The following ZMYM6 variants were observed in gnomAD, a reference collection of about 807,000 sequenced individuals.
ZMYM6 encodes zinc finger MYM-type protein 6.
In ZMYM6, 90 loss-of-function variants were observed where a neutral mutation model predicts 134.0. The observed-to-expected ratio is 0.67, with a 90% CI of 0.57 to 0.80. ZMYM6 has a LOEUF of 0.80. Among genes scored for constraint, ZMYM6 ranks in the 30% least tolerant of loss-of-function variants. ZMYM6 has a pLI of 0.00. For synonymous variants in ZMYM6, 481 were observed against 524.1 expected (o/e 0.92, Z 1.12); for missense variants, 1,362 against 1,533.9 (o/e 0.89, Z 1.87).
At chr1:34,998,939 T>C (rs1026177041) in intron 14 of ZMYM6, among the ~76,000 whole-genome samples, 15 of 152,048 alleles carry the variant, frequency 9.9e-5, no homozygotes, top group African/African-American at 3.6e-4. Context: ...CTGGGCAACA[T>C]AGCGAGACCT....
In ZMYM6 at chr1:35,011,946, T is replaced by C. The variant is rs1398029404; in HGVS notation, c.1006A>G (p.Met336Val). The C allele has an allele frequency of 1.2e-6, 2 of 1,611,226 alleles. No homozygotes were observed. Among genetic ancestry groups the C allele is most frequent in the Non-Finnish European group, 1.7e-6 (2 of 1,178,320 alleles). Residue 336 changes from methionine to valine, a missense_variant, in exon 8 of 16, where the codon ATG (methionine) becomes GTG (valine). This residue lies in a region of ZMYM6 where 503 missense variants were observed against 520.8 expected (regional missense o/e 0.97). Transcript: ENST00000357182. The stretch of plus-strand genomic sequence containing the variant: ...AAGCTGTATATAGTTCCATTTGACA[T>C]GGCTAGGTGATACTGAGGGATTGCT... ...TSAIPQYHLAMSNGTIYSFCS... is the reference protein window; with the variant it reads ...TSAIPQYHLAVSNGTIYSFCS...
intron 14 of ZMYM6, among the ~76,000 whole-genome samples, chr1:35,000,022 T>A (rs1048435329): frequency 6.6e-6 from 1 of 152,062 alleles, no homozygotes; most frequent in East Asian, 1.9e-4. Context: ...TTGACCTACC[T>A]TCTAGGCTCA....
chr1:35,024,301 G>A (rs1641365796), intron 2 of ZMYM6, among the ~76,000 whole-genome samples: 1 of 152,154 alleles, frequency 6.6e-6, no homozygotes. Context: ...TTGTTTATTT[G>A]ATAGTCAAAT....
At position 35,030,467 on chromosome 1, in the gene ZMYM6, C is replaced by T. The variant is rs965896961; in HGVS notation, c.93+80G>A. On this transcript the variant is annotated intron_variant, in intron 2 of 15. Coordinates refer to ENST00000357182, the MANE Select transcript of ZMYM6 (RefSeq NM_007167.4). ...TATTTTAAACTTACAAACCAGAAGC[C>T]GTTTAACTAAAATTTTTCAGTTGAC... 5.1e-6 allele frequency: 7 copies of T among 1,361,506 alleles called. No homozygotes were observed. In the South Asian group the frequency reaches 6.4e-5, roughly 12 times the overall value. The allele number at this position is 1,361,506 out of a possible 1,614,324, so 84.3% of individuals were successfully genotyped here.
At chr1:35,002,970 T>A (rs1033442995) in intron 14 of ZMYM6, among the ~76,000 whole-genome samples, 2 of 151,848 alleles carry the variant, frequency 1.3e-5, no homozygotes, top group African/African-American at 2.4e-5. Context: ...GCTAGGAGTT[T>A]GAGACTAGCC....
rs1381866517 is a variant in ZMYM6 at position 35,013,374 on chromosome 1, T to C, written c.796-793A>G. Reference sequence around the variant, plus strand: ...AGTGATACATTATAAGGTCTCTCAATATGAAAAGAAATTGTAGGAAAATAT... The same window carrying C: ...AGTGATACATTATAAGGTCTCTCAACATGAAAAGAAATTGTAGGAAAATAT... On this transcript the variant is annotated intron_variant, in intron 6 of 15. Coordinates refer to ENST00000357182, the MANE Select transcript of ZMYM6 (RefSeq NM_007167.4). 4 of 982,848 alleles carry C rather than the reference T, an allele frequency of 4.1e-6. No homozygotes were observed. The East Asian group carries it at 4.5e-4, about 111-fold the overall frequency. 60.9% of individuals were successfully genotyped at this position (982,848 alleles called of 1,614,324 possible).
At chr1:35,030,184 C>T (rs934915709) in intron 2 of ZMYM6, 1 of 169,674 alleles carries the variant, frequency 5.9e-6, no homozygotes, top group Non-Finnish European at 1.2e-5. Flanking sequence ...AATCCCAGAA[C>T]TTTGGGAGGC....
chr1:35,010,334 T>TA, intron 10 of ZMYM6, 113 bp downstream of exon 10: 1 of 1,392,360 alleles, frequency 7.2e-7, no homozygotes, highest in South Asian at 1.4e-5. Flanking sequence ...AAAATACTTC[T>TA]AATTACACCT....
Position 35,002,838 on chromosome 1 carries a change from A to T in ZMYM6, c.1992+1130T>A, listed in dbSNP as rs535223431. Among the ~76,000 whole-genome samples, 5 of 152,296 alleles carry T rather than the reference A, an allele frequency of 3.3e-5. No individual in the cohort carries two copies. In the South Asian group the frequency reaches 1.0e-3, roughly 32 times the overall value. On this transcript the variant is annotated intron_variant, in intron 14 of 15. Coordinates refer to ENST00000357182, the MANE Select transcript of ZMYM6 (RefSeq NM_007167.4). ...CACTTAAATGGCATTATTCTACGAT[A>T]TAAAAAAAGAGTTTTAATTATATCA...
chr1:35,004,315 C>T lies in ZMYM6; in HGVS notation c.1955-310G>A, dbSNP rs1186675569. On this transcript the variant is annotated intron_variant, in intron 13 of 15. Transcript: ENST00000357182. The stretch of plus-strand genomic sequence containing the variant: ...TCTGAGCCTTCTATGGCTCAAGAGC[C>T]TGCCTGATTAAAAAGAAAACAAACA... Among the ~76,000 whole-genome samples the T allele has an allele frequency of 2.6e-5, 4 of 152,184 alleles. No individual in the cohort carries two copies. In the East Asian group the frequency reaches 7.7e-4, roughly 29 times the overall value.
chr1:35,014,395 G>C (rs1641144752), intron 6 of ZMYM6, among the ~76,000 whole-genome samples: 2 of 152,162 alleles, frequency 1.3e-5, no homozygotes, highest in African/African-American at 4.8e-5. Context: ...TTGAGCTCAG[G>C]AGTTCAACAC....
chr1:35,011,129 C>T, intron 8 of ZMYM6, 93 bp from the exon 9 acceptor site: 1 of 1,341,098 alleles, frequency 7.5e-7, no homozygotes. Context: ...ATCAAGTCTC[C>T]CACAAACATT....
At chr1:35,020,917 C>T (rs1292558704) in intron 2 of ZMYM6, among the ~76,000 whole-genome samples, 9 of 151,738 alleles carry the variant, frequency 5.9e-5, no homozygotes, top group Admixed American at 5.9e-4. Context: ...TCACAAGCAC[C>T]TCAAAAGTCA....
intron 6 of ZMYM6, 89 bp from the exon 7 acceptor site, chr1:35,012,670 C>T (rs1641107548): frequency 1.3e-6 from 2 of 1,524,910 alleles, no homozygotes; most frequent in Admixed American, 4.4e-5. Flanking sequence ...CTACCTACAA[C>T]CACGGTCCTT....
chr1:35,031,175 C>G (rs1040704817), intron 1 of ZMYM6: 2 of 152,520 alleles, frequency 1.3e-5, no homozygotes, highest in African/African-American at 4.8e-5. Context: ...CCTAAGGGCC[C>G]CATTTCTCGG....
Position 34,988,604 on chromosome 1 carries a change from CT to C in ZMYM6, c.2477del (p.Lys826SerfsTer4). The C allele has an allele frequency of 6.4e-7, 1 of 1,550,398 alleles. No individual in the cohort carries two copies. Among genetic ancestry groups the C allele is most frequent in the Non-Finnish European group, 8.7e-7 (1 of 1,146,730 alleles). ...SSLKKCLLVE[K>X]SLVKASYLIA... ...TTAAATAAGAAGCTTTCACAAGTGA[CT>C]TTTCAACTAGTAAACACTTTTTTAA... is the stretch of plus-strand genomic sequence containing the variant. On this transcript the variant is annotated frameshift_variant, in exon 16 of 16. Coordinates refer to ENST00000357182, the MANE Select transcript of ZMYM6 (RefSeq NM_007167.4). LOFTEE classifies it high-confidence loss of function.
rs867954332 is a variant in ZMYM6 at position 35,012,431 on chromosome 1, C to A, written c.946G>T (p.Gly316Cys). 1 of 1,518,710 alleles carries A rather than the reference C, an allele frequency of 6.6e-7. No individual in the cohort carries two copies. The highest frequency in any genetic ancestry group is 1.4e-5 in the South Asian group (1 of 73,610). 94.1% of individuals were successfully genotyped at this position (1,518,710 alleles called of 1,614,324 possible). The change falls in exon 7 of 16, where the codon GGT (glycine) becomes TGT (cysteine). Residue 316 changes from glycine (G) to cysteine (C), a missense_variant and splice_region_variant. Gly to Cys is a radical substitution (Grantham distance 159). This residue lies in a region of ZMYM6 where 503 missense variants were observed against 520.8 expected (regional missense o/e 0.97). Coordinates refer to ENST00000357182, the MANE Select transcript of ZMYM6 (RefSeq NM_007167.4). ...TAAATTTATCAAATTTAAACATTAC[C>A]TGAAGAAGTAACAGTCTTAACTCTG... The part of the protein sequence containing the change: ...AYRVKTVTSS[G>C]VQVSCHSCKT...
chr1:35,011,529 T>C (rs1641086228), intron 8 of ZMYM6, among the ~76,000 whole-genome samples: 1 of 152,208 alleles, frequency 6.6e-6, no homozygotes, highest in African/African-American at 2.4e-5. Context: ...TCACTGTGTT[T>C]CTGACACAGG....
At chr1:35,015,743 A>AAAAAAAAAAAAATATATAT in intron 4 of ZMYM6, among the ~76,000 whole-genome samples, 16 of 106,458 alleles carry the variant, frequency 1.5e-4, no homozygotes, top group African/African-American at 1.1e-3. Context: ...AAAAAAAAAA[A>AAAAAAAAAAAAATATATAT]ATATATATAT....
Sources: allele counts gnomAD v4.1 joint callset (sites outside exome capture counted in the v4.1 genomes callset), GRCh38; gene constraint gnomAD v4.1.1; regional missense constraint gnomAD v4.1.1; transcripts MANE v1.5; gene names NCBI Gene and HGNC (gene_info 2026-07-23, HGNC 2026-07-21).